The following LRRC49 variants were observed in gnomAD, a reference collection of about 807,000 sequenced individuals.
The protein encoded by LRRC49 is leucine-rich repeat-containing protein 49.
LRRC49 carries 50 observed loss-of-function variants against 83.3 expected under a neutral mutation model. The observed-to-expected ratio is 0.60, with a 90% CI of 0.48 to 0.76. The LOEUF is 0.76. Ranked by LOEUF, LRRC49 falls within the 30% of genes least tolerant of loss-of-function variation. LRRC49 has a pLI of 0.00. For synonymous variants in LRRC49, 286 were observed against 283.3 expected (o/e 1.01, Z -0.10); for missense variants, 704 against 809.1 (o/e 0.87, Z 1.58).
intron 13 of LRRC49, among the ~76,000 whole-genome samples, chr15:71,010,556 T>C (rs988355003): frequency 7.9e-5 from 12 of 151,964 alleles, no homozygotes; most frequent in Non-Finnish European, 1.0e-4. Context: ...AAAATAAGTA[T>C]AAGTAAATGT....
intron 14 of LRRC49, among the ~76,000 whole-genome samples, chr15:71,022,689 G>A (rs1186933093): frequency 1.3e-5 from 2 of 152,244 alleles, no homozygotes; most frequent in Middle Eastern, 3.4e-3. Context: ...CCTTAAAAAT[G>A]TATAACCCCA....
At chr15:70,974,062 G>A (rs547684562) in intron 9 of LRRC49, among the ~76,000 whole-genome samples, 1 of 152,096 alleles carries the variant, frequency 6.6e-6, no homozygotes, top group Admixed American at 6.5e-5. Flanking sequence ...GGGAGTTGGA[G>A]GTTGCGGTGA....
intron 14 of LRRC49, among the ~76,000 whole-genome samples, chr15:71,019,573 C>T (rs1203066233): frequency 5.3e-5 from 8 of 152,130 alleles, no homozygotes; most frequent in Non-Finnish European, 1.2e-4. Context: ...TTGACGTCTT[C>T]CTAAGGGTTA....
intron 11 of LRRC49, among the ~76,000 whole-genome samples, chr15:70,994,910 G>A (rs1016339729): frequency 2.6e-5 from 4 of 152,190 alleles, no homozygotes; most frequent in African/African-American, 9.7e-5. Context: ...TAAGAAACAG[G>A]TCTCGTTTGA....
At chr15:71,035,852 A>G (rs1012809589) in intron 14 of LRRC49, among the ~76,000 whole-genome samples, 8 of 152,202 alleles carry the variant, frequency 5.3e-5, no homozygotes, top group Admixed American at 3.9e-4. Context: ...TTTTGGGTAT[A>G]TACCCACTAA....
rs1595988335 is a variant in LRRC49, at chr15:70,893,669, T to C, written c.105+29T>C. On this transcript the variant is annotated intron_variant, in intron 2 of 15. Coordinates refer to ENST00000260382, the MANE Select transcript of LRRC49 (RefSeq NM_017691.5). ...AGATTTAAGAAGGTTGGCATTTAAATTGAAGATTGTTTTAAATTCTACACA... is the reference window on the plus strand; with the variant it reads ...AGATTTAAGAAGGTTGGCATTTAAACTGAAGATTGTTTTAAATTCTACACA... 5 of 1,559,432 alleles carry C rather than the reference T, an allele frequency of 3.2e-6. No homozygotes were observed. In the East Asian group the frequency reaches 1.1e-4, roughly 35 times the overall value.
chr15:70,882,398 T>C, intron 2 of LRRC49: 2 of 1,327,752 alleles, frequency 1.5e-6, no homozygotes, highest in Non-Finnish European at 2.1e-6. Context: ...AAGAGATAAT[T>C]ATGTGAGTAA....
chr15:70,994,619 T>C (rs903425499), intron 11 of LRRC49, among the ~76,000 whole-genome samples: 1 of 152,038 alleles, frequency 6.6e-6, no homozygotes, highest in Non-Finnish European at 1.5e-5. Context: ...GGACAATAGG[T>C]GCACACCTCT....
chr15:71,009,072 A>T lies in LRRC49; in HGVS notation c.1407+456A>T, dbSNP rs559017371. Among the ~76,000 whole-genome samples the T allele has an allele frequency of 2.2e-4, 33 of 151,962 alleles. No individual in the cohort carries two copies. In the East Asian group the frequency reaches 3.1e-3, roughly 14 times the overall value. On this transcript the variant is annotated intron_variant, in intron 12 of 15. Transcript: ENST00000260382. ...TCCTCAATTATGGTGTCATTGTATT[A>T]TTTAGTATGCATTTGTAGAAACTGT...
intron 8 of LRRC49, among the ~76,000 whole-genome samples, chr15:70,941,913 G>C (rs544951811): frequency 6.6e-6 from 1 of 151,982 alleles, no homozygotes; most frequent in African/African-American, 2.4e-5. Context: ...TCAGTTGGAG[G>C]GTTTTTTACC....
chr15:70,884,433 T>C (rs2033348790), intron 2 of LRRC49, among the ~76,000 whole-genome samples: 1 of 151,956 alleles, frequency 6.6e-6, no homozygotes, highest in Admixed American at 6.6e-5. Context: ...GGCACAATAA[T>C]TGCTTGAAGC....
chr15:70,885,497 A>C (rs2033382601), intron 2 of LRRC49, among the ~76,000 whole-genome samples: 1 of 152,216 alleles, frequency 6.6e-6, no homozygotes, highest in South Asian at 2.1e-4. Flanking sequence ...AAAAAGATAC[A>C]TTCTCTTCAG....
chr15:70,953,830 AT>A, intron 8 of LRRC49, among the ~76,000 whole-genome samples: 1 of 151,342 alleles, frequency 6.6e-6, no homozygotes, highest in African/African-American at 2.4e-5. Context: ...TTTTTTCTTT[AT>A]TTTTGTCTTC....
intron 8 of LRRC49, among the ~76,000 whole-genome samples, chr15:70,951,068 T>C (rs1321416350): frequency 6.6e-6 from 1 of 152,158 alleles, no homozygotes; most frequent in Admixed American, 6.5e-5. Context: ...CAGGTAGTTG[T>C]AGGTGTGTGG....
intron 11 of LRRC49, among the ~76,000 whole-genome samples, chr15:71,000,856 T>C (rs2038231209): frequency 6.6e-6 from 1 of 152,202 alleles, no homozygotes; most frequent in Admixed American, 6.5e-5. Flanking sequence ...TCTTGTATTA[T>C]GTGTCTTTCT....
At position 71,017,432 on chromosome 15, in the gene LRRC49, T is replaced by C. The variant is rs181580538; in HGVS notation, c.1703+4519T>C. On this transcript the variant is annotated intron_variant, in intron 14 of 15. Coordinates refer to ENST00000260382, the MANE Select transcript of LRRC49 (RefSeq NM_017691.5). ...CAGTTTTATATGATGAAATACATCA[T>C]AAAGTGAAAATACATAAGCAGACAG... Among the ~76,000 whole-genome samples the C allele has an allele frequency of 6.2e-4, 94 of 152,110 alleles. No homozygotes were observed. In the East Asian group the frequency reaches 0.017, roughly 28 times the overall value.
At chr15:71,038,256 A>AGT (rs750190129) in intron 15 of LRRC49, among the ~76,000 whole-genome samples, 66 of 152,228 alleles carry the variant, frequency 4.3e-4, no homozygotes, top group African/African-American at 1.5e-3. Flanking sequence ...AACATTTAGA[A>AGT]GTGTGTGTGT....
At chr15:70,956,180 G>A (rs1383797958) in intron 8 of LRRC49, among the ~76,000 whole-genome samples, 1 of 152,174 alleles carries the variant, frequency 6.6e-6, no homozygotes, top group African/African-American at 2.4e-5. Flanking sequence ...TATCTATGCT[G>A]TGTGATACAT....
At chr15:70,866,425 G>A (rs187498770) in intron 1 of LRRC49, among the ~76,000 whole-genome samples, 181 of 152,262 alleles carry the variant, frequency 1.2e-3, no homozygotes, top group African/African-American at 4.2e-3. Context: ...GATTACAGGC[G>A]TGAGCGACCA....
Sources: gnomAD v4.1 joint callset for allele counts (sites outside exome capture counted in the v4.1 genomes callset) on GRCh38, gnomAD v4.1.1 for gene constraint, MANE v1.5 for transcripts, NCBI Gene and HGNC (gene_info 2026-07-23, HGNC 2026-07-21) for gene names.